The following ANKFN1 variants were observed in gnomAD, a reference collection of about 807,000 sequenced individuals.
ANKFN1 encodes ankyrin repeat and fibronectin type-III domain-containing protein 1.
In ANKFN1, 74 loss-of-function variants were observed where a neutral mutation model predicts 108.7. The observed-to-expected ratio is 0.68, with a 90% confidence interval of 0.56 to 0.83. The LOEUF (loss-of-function observed/expected upper bound fraction) is 0.83. ANKFN1 is among the 40% of genes least tolerant of loss of function. The pLI is 0.00. For missense variants in ANKFN1, 1,505 were observed against 1,382.3 expected (o/e 1.09, Z -1.41); for synonymous variants, 547 against 516.2 (o/e 1.06, Z -0.81).
At chr17:56,508,075 A>C (rs2051625644) in intron 20 of ANKFN1, among the ~76,000 whole-genome samples, 2 of 152,110 alleles carry the variant, frequency 1.3e-5, no homozygotes, top group South Asian at 4.1e-4. Context: ...CTGGACTTCT[A>C]TTTTCTTCCA....
chr17:56,301,475 G>A (rs867247697), intron 3 of ANKFN1, among the ~76,000 whole-genome samples: 1 of 152,308 alleles, frequency 6.6e-6, no homozygotes, highest in Non-Finnish European at 1.5e-5. Flanking sequence ...TCACTACACA[G>A]CATCAGAACT....
At chr17:56,297,372 G>C (rs2044543528) in intron 3 of ANKFN1, among the ~76,000 whole-genome samples, 1 of 152,198 alleles carries the variant, frequency 6.6e-6, no homozygotes, top group South Asian at 2.1e-4. Flanking sequence ...TGCTGAGGAT[G>C]AGAAAAGGGC....
rs545367560 is a variant in ANKFN1 at position 56,424,260 on chromosome 17, C to T, written c.911-16067C>T. ...AAATGAAAACTTACAAACCTGTGTA[C>T]CTCCATGATTCCTTCTCTACAACTG... On this transcript the variant is annotated intron_variant, in intron 8 of 20. Coordinates refer to ENST00000682825, the MANE Select transcript of ANKFN1 (RefSeq NM_001370326.1). 3.3e-5 allele frequency among the ~76,000 whole-genome samples: 5 copies of T among 152,280 alleles called. No homozygotes were observed. The East Asian group carries it at 9.7e-4, about 29-fold the overall frequency.
intron 1 of ANKFN1, among the ~76,000 whole-genome samples, chr17:56,210,034 T>C (rs1443651214): frequency 1.3e-5 from 2 of 150,340 alleles, no homozygotes; most frequent in African/African-American, 2.5e-5. Context: ...TTCCATGATA[T>C]GTATATTATA....
intron 4 of ANKFN1, among the ~76,000 whole-genome samples, chr17:56,137,803 C>T (rs987873229): frequency 1.6e-4 from 25 of 152,166 alleles, no homozygotes; most frequent in South Asian, 2.1e-4. Flanking sequence ...CTAATACAGA[C>T]TATATTTTAA....
Position 56,503,553 on chromosome 17 carries a change from A to C in ANKFN1, c.2644+4455A>C, listed in dbSNP as rs2051452663. ...TAGACAGTGGTACATTAAAACTGTG[A>C]AGATAGATTTTTGGGCAAATATGGA... On this transcript the variant is annotated intron_variant, in intron 20 of 20. Transcript: ENST00000682825. 1.4e-5 allele frequency among the ~76,000 whole-genome samples: 2 copies of C among 139,038 alleles called. 1 individual carries two copies. The highest frequency in any genetic ancestry group is 4.6e-4 in the South Asian group (2 of 4,322). The allele number at this position is 139,038 out of a possible 152,430, so 91.2% of individuals were successfully genotyped here. A position where few individuals can be genotyped will look rare whatever the true frequency, so the allele number is the denominator to read the frequency against.
At chr17:56,207,288 G>T (rs945492475) in intron 1 of ANKFN1, among the ~76,000 whole-genome samples, 1 of 152,182 alleles carries the variant, frequency 6.6e-6, no homozygotes, top group African/African-American at 2.4e-5. Flanking sequence ...TCTGAAGCTG[G>T]GGCCCAGCAA....
rs1162947758 is a variant in ANKFN1, at chr17:56,513,351, GTTAAC to G, written c.*2087_*2091del. ...CAGACTTCATGTAATACACATCTAA[GTTAAC>G]TTAATTAAACAGCAAATTTGGGAAA... On this transcript the variant is annotated 3_prime_UTR_variant, in exon 21 of 21. Transcript: ENST00000682825. Among the ~76,000 whole-genome samples, 1 of 152,098 alleles carries G rather than the reference GTTAAC, an allele frequency of 6.6e-6. No homozygotes were observed. The highest frequency in any genetic ancestry group is 1.5e-5 in the Non-Finnish European group (1 of 68,038).
Position 56,095,803 on chromosome 17 carries a change from A to G in ANKFN1, c.288+49478A>G, listed in dbSNP as rs147764632. On this transcript the variant is annotated intron_variant, in intron 4 of 12. Transcript: ENST00000635860. ...ACAGGAGTGTCCACGATGGAAGCAG[A>G]AATCCAAAATGCAGGATCTGTGCAA... is the stretch of plus-strand genomic sequence containing the variant. Among the ~76,000 whole-genome samples, 120 of 152,338 alleles carry G rather than the reference A, an allele frequency of 7.9e-4. 1 individual carries two copies. Among genetic ancestry groups the G allele is most frequent in the African/African-American group, 2.4e-3 (101 of 41,570 alleles).
intron 1 of ANKFN1, among the ~76,000 whole-genome samples, chr17:56,160,360 G>A (rs1470741914): frequency 6.6e-6 from 1 of 152,140 alleles, no homozygotes; most frequent in African/African-American, 2.4e-5. Context: ...GATCAGTGTG[G>A]TCCTTGTTAC....
chr17:56,065,463 G>T (rs948883063), intron 4 of ANKFN1, among the ~76,000 whole-genome samples: 1 of 152,148 alleles, frequency 6.6e-6, no homozygotes, highest in Admixed American at 6.5e-5. Flanking sequence ...CTTGGCACGA[G>T]AACTTAGCTT....
intron 3 of ANKFN1, among the ~76,000 whole-genome samples, chr17:56,308,623 T>C (rs1160822119): frequency 6.6e-6 from 1 of 152,190 alleles, no homozygotes; most frequent in African/African-American, 2.4e-5. Context: ...ATAAGAGTGA[T>C]GAGAGCTGCC....
intron 3 of ANKFN1, among the ~76,000 whole-genome samples, chr17:56,313,779 T>C (rs969482046): frequency 6.6e-6 from 1 of 152,260 alleles, no homozygotes; most frequent in African/African-American, 2.4e-5. Flanking sequence ...TCATTAATTA[T>C]AATTTGCATA....
intron 8 of ANKFN1, among the ~76,000 whole-genome samples, chr17:56,409,177 G>A (rs148695487): frequency 2.3e-3 from 352 of 152,098 alleles, no homozygotes; most frequent in African/African-American, 7.2e-3. Context: ...CACCTGCCTC[G>A]GACTCCCAAA....
intron 1 of ANKFN1, among the ~76,000 whole-genome samples, chr17:56,201,092 T>A (rs181503281): frequency 1.2e-4 from 18 of 152,222 alleles, no homozygotes; most frequent in African/African-American, 4.1e-4. Context: ...GACCACCCCA[T>A]CATGTCACAC....
At chr17:56,311,728 A>T (rs978249704) in intron 3 of ANKFN1, among the ~76,000 whole-genome samples, 2 of 152,226 alleles carry the variant, frequency 1.3e-5, no homozygotes, top group Non-Finnish European at 2.9e-5. Flanking sequence ...GTTGTATAAA[A>T]TTACCTTCAG....
At chr17:56,503,235 T>C (rs536474784) in intron 20 of ANKFN1, among the ~76,000 whole-genome samples, 4 of 152,040 alleles carry the variant, frequency 2.6e-5, no homozygotes, top group Non-Finnish European at 4.4e-5. Flanking sequence ...TTGAAGGTTA[T>C]CCTGATCTTC....
intron 15 of ANKFN1, chr17:56,472,272 T>G (rs2050345198): frequency 6.6e-6 from 1 of 152,192 alleles, no homozygotes. Context: ...AAAACTAAAT[T>G]ATTTGCAGTC....
At chr17:56,288,610 A>T (rs2044278903) in intron 3 of ANKFN1, among the ~76,000 whole-genome samples, 1 of 152,222 alleles carries the variant, frequency 6.6e-6, no homozygotes, top group Admixed American at 6.5e-5. Context: ...TTTTGGAAAT[A>T]GGCAAATATA....
Sources: gnomAD v4.1 joint callset for allele counts (sites outside exome capture counted in the v4.1 genomes callset) on GRCh38, gnomAD v4.1.1 for gene constraint, MANE v1.5 for transcripts, NCBI Gene and HGNC (gene_info 2026-07-23, HGNC 2026-07-21) for gene names.